PHF24: variants seen among roughly 807,000 people sequenced by gnomAD.
PHF24 encodes the protein PHD finger protein 24.
PHF24 carries 25 observed loss-of-function variants against 42.6 expected under a neutral mutation model. That is an observed-to-expected ratio of 0.59 (90% CI 0.43 to 0.82). The LOEUF (loss-of-function observed/expected upper bound fraction) is 0.82. PHF24 is among the 40% of genes least tolerant of loss of function. The pLI is 0.00. For synonymous variants in PHF24, 185 were observed against 204.8 expected (o/e 0.90, Z 0.83); for missense variants, 470 against 538.1 (o/e 0.87, Z 1.25).
At chr9:34,874,063 T>G in the PHF24 span, among the ~76,000 whole-genome samples, 2 of 152,212 alleles carry the variant, frequency 1.3e-5, no homozygotes, top group Admixed American at 6.5e-5. Context: ...GAGACTTTGC[T>G]GAAGTTGCTT....
chr9:34,742,952 T>G, the PHF24 span, among the ~76,000 whole-genome samples: 1 of 150,240 alleles, frequency 6.7e-6, no homozygotes, highest in Non-Finnish European at 1.5e-5. Flanking sequence ...ATGTATTGTC[T>G]GTGGCTGCTT....
the PHF24 span, among the ~76,000 whole-genome samples, chr9:34,767,871 T>C: frequency 1.3e-5 from 2 of 152,250 alleles, no homozygotes; most frequent in African/African-American, 4.8e-5. Flanking sequence ...CAGTTTTAAA[T>C]GTAAATATCA....
chr9:34,718,953 T>C, the PHF24 span, among the ~76,000 whole-genome samples: 1 of 152,210 alleles, frequency 6.6e-6, no homozygotes, highest in Admixed American at 6.5e-5. Context: ...GTTACCTGAG[T>C]GTGCCAGAGG....
At chr9:34,704,793 G>A in the PHF24 span, among the ~76,000 whole-genome samples, 1 of 152,086 alleles carries the variant, frequency 6.6e-6, no homozygotes, top group South Asian at 2.1e-4. Context: ...CTGAGATTGC[G>A]CCACTCACTT....
At chr9:34,959,722 G>C (rs1826523765) in intron 1 of PHF24, among the ~76,000 whole-genome samples, 1 of 152,204 alleles carries the variant, frequency 6.6e-6, no homozygotes, top group Middle Eastern at 3.2e-3. Flanking sequence ...GCCTTGGGGT[G>C]GCTCTGGACC....
the PHF24 span, among the ~76,000 whole-genome samples, chr9:34,697,523 T>A: frequency 6.6e-6 from 1 of 152,190 alleles, no homozygotes; most frequent in Non-Finnish European, 1.5e-5. Flanking sequence ...TTTCATCATG[T>A]TGGCCAGGCT....
At chr9:34,711,097 T>C in the PHF24 span, among the ~76,000 whole-genome samples, 252 of 152,366 alleles carry the variant, frequency 1.7e-3, 1 homozygote, top group African/African-American at 5.9e-3. Context: ...TACATTTTAG[T>C]CCCTTCTTTA....
At chr9:34,922,178 G>A in the PHF24 span, 1 of 1,585,052 alleles carries the variant, frequency 6.3e-7, no homozygotes, top group Non-Finnish European at 8.6e-7. Context: ...AAAGTTGGAA[G>A]GCCGGTTAAT....
the PHF24 span, among the ~76,000 whole-genome samples, chr9:34,818,028 T>G: frequency 6.6e-6 from 1 of 152,238 alleles, no homozygotes; most frequent in Non-Finnish European, 1.5e-5. Context: ...TATGACTGAT[T>G]ATTGCATATT....
the PHF24 span, among the ~76,000 whole-genome samples, chr9:34,793,797 T>C: frequency 1.3e-5 from 2 of 150,412 alleles, no homozygotes; most frequent in Non-Finnish European, 3.0e-5. Context: ...TTTTTTTAAG[T>C]GTCCCAGCCC....
the PHF24 span, among the ~76,000 whole-genome samples, chr9:34,756,203 G>A: frequency 6.6e-6 from 1 of 152,108 alleles, no homozygotes; most frequent in African/African-American, 2.4e-5. Flanking sequence ...AGGTTCAAGT[G>A]ATTCTTGTGC....
the PHF24 span, among the ~76,000 whole-genome samples, chr9:34,699,935 G>T: frequency 6.6e-6 from 1 of 152,212 alleles, no homozygotes; most frequent in South Asian, 2.1e-4. Context: ...GAGGGATAGG[G>T]AGTATTGAGG....
the PHF24 span, among the ~76,000 whole-genome samples, chr9:34,909,257 C>T: frequency 6.6e-6 from 1 of 152,150 alleles, no homozygotes; most frequent in African/African-American, 2.4e-5. Flanking sequence ...CACCGCTATA[C>T]CTGGCTCTTC....
At chr9:34,835,815 C>T in the PHF24 span, 56 of 1,495,104 alleles carry the variant, frequency 3.7e-5, no homozygotes, top group South Asian at 1.1e-4. Context: ...CCAGTGAAAG[C>T]TCTCTGATAT....
the PHF24 span, among the ~76,000 whole-genome samples, chr9:34,829,255 G>T: frequency 6.6e-6 from 1 of 152,180 alleles, no homozygotes; most frequent in South Asian, 2.1e-4. Context: ...GAAATACCAT[G>T]ATTGGAGCAG....
intron 3 of PHF24, among the ~76,000 whole-genome samples, chr9:34,974,744 T>C (rs893282272): frequency 6.6e-6 from 1 of 152,204 alleles, no homozygotes; most frequent in Non-Finnish European, 1.5e-5. Context: ...ATTTCCTGTC[T>C]CTTGCACTTA....
chr9:34,870,912 A>T, the PHF24 span, among the ~76,000 whole-genome samples: 1 of 152,238 alleles, frequency 6.6e-6, no homozygotes. Context: ...TGTTATAAAC[A>T]TCCATGTGGT....
the PHF24 span, among the ~76,000 whole-genome samples, chr9:34,856,643 G>T: frequency 6.6e-6 from 1 of 152,348 alleles, no homozygotes; most frequent in South Asian, 2.1e-4. Flanking sequence ...ATGGCAGCCT[G>T]CTTCTTCCTC....
the PHF24 span, among the ~76,000 whole-genome samples, chr9:34,810,271 T>C: frequency 6.6e-6 from 1 of 152,064 alleles, no homozygotes; most frequent in African/African-American, 2.4e-5. Context: ...GCCTCCAAGG[T>C]GGCCCCCGTG....
Sources: allele counts gnomAD v4.1 joint callset (sites outside exome capture counted in the v4.1 genomes callset), GRCh38; gene constraint gnomAD v4.1.1; transcripts MANE v1.5; gene names NCBI Gene and HGNC (gene_info 2026-07-23, HGNC 2026-07-21).